ST3GAL3: variants seen among roughly 807,000 people sequenced by gnomAD.
The protein encoded by ST3GAL3 is CMP-N-acetylneuraminate-beta-1,4-galactoside alpha-2,3-sialyltransferase.
In ST3GAL3, 21 loss-of-function variants were observed where a neutral mutation model predicts 50.1. The observed-to-expected ratio is 0.42, with a 90% CI of 0.30 to 0.60. The LOEUF is 0.60. Among genes scored for constraint, ST3GAL3 ranks in the 20% least tolerant of loss-of-function variants. The pLI is 0.19. For synonymous variants in ST3GAL3, 183 were observed against 190.0 expected, an observed-to-expected ratio of 0.96 and a Z score of 0.30; for missense variants, 353 against 489.4, an observed-to-expected ratio of 0.72 and a Z score of 2.63.
At chr1:43,829,793 G>A (rs1192934469) in intron 4 of ST3GAL3, among the ~76,000 whole-genome samples, 1 of 151,860 alleles carries the variant, frequency 6.6e-6, no homozygotes, top group African/African-American at 2.4e-5. Flanking sequence ...ATATAATAGT[G>A]GTCGTACTTA....
chr1:43,796,601 C>A (rs2058707738), intron 3 of ST3GAL3, among the ~76,000 whole-genome samples: 1 of 152,206 alleles, frequency 6.6e-6, no homozygotes. Flanking sequence ...GCTGCCCGAA[C>A]CCAACCTGGT....
At chr1:43,920,374 C>T (rs752833953) in intron 9 of ST3GAL3, 30 bp from the exon 10 acceptor site, 3 of 1,613,938 alleles carry the variant, frequency 1.9e-6, no homozygotes, top group African/African-American at 1.3e-5. Context: ...CTGTGTGCCT[C>T]GTTGAGGCCC....
At chr1:43,730,914 A>G (rs183796549) in intron 1 of ST3GAL3, among the ~76,000 whole-genome samples, 1 of 152,218 alleles carries the variant, frequency 6.6e-6, no homozygotes, top group African/African-American at 2.4e-5. Flanking sequence ...AAACATTAAA[A>G]ATAAATATAT....
At chr1:43,836,160 T>G (rs183548943) in intron 4 of ST3GAL3, among the ~76,000 whole-genome samples, 70 of 152,362 alleles carry the variant, frequency 4.6e-4, no homozygotes, top group South Asian at 8.3e-4. Context: ...TCTAGAACGT[T>G]TTTGTCACTG....
chr1:43,803,786 C>T (rs1382239891), intron 3 of ST3GAL3, among the ~76,000 whole-genome samples: 1 of 152,204 alleles, frequency 6.6e-6, no homozygotes, highest in Non-Finnish European at 1.5e-5. Context: ...TGAAAAAGCA[C>T]TTTGTGCATT....
intron 3 of ST3GAL3, among the ~76,000 whole-genome samples, chr1:43,800,207 T>C (rs2154161006): frequency 6.6e-6 from 1 of 152,350 alleles, no homozygotes; most frequent in Middle Eastern, 3.4e-3. Context: ...CCATTTGAGA[T>C]TGGATCTTAG....
intron 5 of ST3GAL3, among the ~76,000 whole-genome samples, chr1:43,883,001 G>T (rs2075406052): frequency 6.8e-6 from 1 of 147,556 alleles, no homozygotes. Flanking sequence ...TCACTCTGTT[G>T]CCCAGGCTGG....
intron 9 of ST3GAL3, among the ~76,000 whole-genome samples, chr1:43,917,869 C>T (rs542605597): frequency 6.7e-6 from 1 of 148,614 alleles, no homozygotes; most frequent in African/African-American, 2.5e-5. Flanking sequence ...GGGGTTTCAC[C>T]ATGTTGGCCA....
intron 3 of ST3GAL3, among the ~76,000 whole-genome samples, chr1:43,809,044 G>A (rs746588500): frequency 3.3e-5 from 5 of 152,024 alleles, no homozygotes; most frequent in Admixed American, 6.6e-5. Context: ...GAATGCACAG[G>A]TATCCTGTCC....
rs1032308894 is a variant in ST3GAL3 at position 43,815,012 on chromosome 1, C to T, written c.209+79C>T. ...TGGGTCTCACTTTGAAGGGTCAGCT[C>T]TCATCACTCTTCTGGTGACTGGGGG... On this transcript the variant is annotated intron_variant, in intron 4 of 11. Transcript: ENST00000347631. 6.4e-6 allele frequency: 9 copies of T among 1,399,712 alleles called. No homozygotes were observed. In the African/African-American group the frequency reaches 1.3e-4, roughly 20 times the overall value. 86.7% of individuals were successfully genotyped at this position (1,399,712 alleles called of 1,614,324 possible). A position where few individuals can be genotyped will look rare whatever the true frequency, so the allele number is the denominator to read the frequency against.
intron 2 of ST3GAL3, among the ~76,000 whole-genome samples, chr1:43,769,466 G>A (rs1694271656): frequency 6.6e-6 from 1 of 152,170 alleles, no homozygotes; most frequent in East Asian, 1.9e-4. Context: ...ATGGGGAGGG[G>A]AGGGCATGGG....
intron 2 of ST3GAL3, among the ~76,000 whole-genome samples, chr1:43,740,020 TAGA>T (rs1427786151): frequency 2.0e-5 from 3 of 152,134 alleles, no homozygotes; most frequent in African/African-American, 7.2e-5. Flanking sequence ...TATCTGGAGT[TAGA>T]AGGAGTTGGG....
At chr1:43,814,411 A>G (rs986119366) in intron 3 of ST3GAL3, among the ~76,000 whole-genome samples, 1 of 152,172 alleles carries the variant, frequency 6.6e-6, no homozygotes, top group Admixed American at 6.5e-5. Context: ...TCTTTATGTA[A>G]TCTGATCTAC....
chr1:43,790,372 ACT>A (rs2057902992), intron 2 of ST3GAL3, among the ~76,000 whole-genome samples: 1 of 151,870 alleles, frequency 6.6e-6, no homozygotes, highest in Non-Finnish European at 1.5e-5. Flanking sequence ...GTGGCTCTAG[ACT>A]CTGGTGCCAT....
At chr1:43,736,947 C>T (rs535823711) in intron 2 of ST3GAL3, 24 of 229,234 alleles carry the variant, frequency 1.0e-4, no homozygotes, top group African/African-American at 5.6e-4. Flanking sequence ...TCTTTGTGCA[C>T]TTTGTCTCAT....
chr1:43,746,667 T>C (rs1683816783), intron 2 of ST3GAL3, among the ~76,000 whole-genome samples: 1 of 152,044 alleles, frequency 6.6e-6, no homozygotes, highest in South Asian at 2.1e-4. Flanking sequence ...TTTCACCATG[T>C]TGGCCAGGAT....
In ST3GAL3 at chr1:43,799,280, GA is replaced by G. The variant is rs1432214728; in HGVS notation, c.166+7137del. Among the ~76,000 whole-genome samples the G allele has an allele frequency of 3.3e-5, 5 of 152,266 alleles. No homozygotes were observed. In the East Asian group the frequency reaches 5.8e-4, roughly 18 times the overall value. On this transcript the variant is annotated intron_variant, in intron 3 of 11. Coordinates refer to ENST00000347631, the MANE Select transcript of ST3GAL3 (RefSeq NM_006279.5). ...GAGCATATGTTATTTTAATAACTGG[GA>G]AAAAATTAAGTTATTTTTGTTTGGG... is the stretch of plus-strand genomic sequence containing the variant.
intron 4 of ST3GAL3, among the ~76,000 whole-genome samples, chr1:43,822,588 T>C (rs2062249290): frequency 6.6e-6 from 1 of 152,216 alleles, no homozygotes; most frequent in African/African-American, 2.4e-5. Context: ...AAATATAGCC[T>C]GAGGTGAGTT....
chr1:43,885,517 A>C lies in ST3GAL3; in HGVS notation c.303-8866A>C, dbSNP rs547846557. Among the ~76,000 whole-genome samples the C allele has an allele frequency of 7.2e-5, 11 of 151,986 alleles. No individual in the cohort carries two copies. In the South Asian group the frequency reaches 1.7e-3, roughly 23 times the overall value. On this transcript the variant is annotated intron_variant, in intron 5 of 11. Coordinates refer to ENST00000347631, the MANE Select transcript of ST3GAL3 (RefSeq NM_006279.5). Reference sequence around the variant, plus strand: ...ACCCTCCCCTGCTACCCCCTAGGCCAGGGCAAGCAGGTCAGGCGTCCCACA... The same window carrying C: ...ACCCTCCCCTGCTACCCCCTAGGCCCGGGCAAGCAGGTCAGGCGTCCCACA...
Sources: gnomAD v4.1 joint callset for allele counts (sites outside exome capture counted in the v4.1 genomes callset) on GRCh38, gnomAD v4.1.1 for gene constraint, MANE v1.5 for transcripts, NCBI Gene and HGNC (gene_info 2026-07-23, HGNC 2026-07-21) for gene names.